CCNB3: variants seen among roughly 807,000 people sequenced by gnomAD.
CCNB3 encodes cyclin B3.
CCNB3 carries 12 observed loss-of-function variants against 68.0 expected under a neutral mutation model. The observed-to-expected ratio is 0.18, with a 90% CI of 0.11 to 0.29. The LOEUF (loss-of-function observed/expected upper bound fraction) is 0.29, where lower values mean the gene tolerates loss of function less well. Ranked by LOEUF, CCNB3 falls within the 10% of genes least tolerant of loss-of-function variation. The pLI is 1.00. For synonymous variants in CCNB3, 354 were observed against 388.9 expected (o/e 0.91, Z 1.06); for missense variants, 904 against 993.1 (o/e 0.91, Z 1.21).
rs1220407618 is a variant in CCNB3, at chrX:50,226,904, A to AAT, written c.-113+21960_-113+21961dup. 7.7e-4 allele frequency among the ~76,000 whole-genome samples: 42 copies of AAT among 54,298 alleles called. 2 individuals are homozygous for AAT. Among genetic ancestry groups the AAT allele is most frequent in the African/African-American group, 3.5e-3 (33 of 9,500 alleles). 47.2% of individuals were successfully genotyped at this position (54,298 alleles called of 115,157 possible). On this transcript the variant is annotated intron_variant, in intron 1 of 12. Transcript: ENST00000376042. Reference sequence around the variant, plus strand: ...TATAGAATATATAGTATATATATAGAATATATAGTATATATATAGAATATA... The same window carrying AAT: ...TATAGAATATATAGTATATATATAGAATATATATAGTATATATATAGAATATA...
At chrX:50,328,513 C>T (rs1557217609) in intron 8 of CCNB3, among the ~76,000 whole-genome samples, 1 of 111,523 alleles carries the variant, frequency 9.0e-6, no homozygotes. Flanking sequence ...AGCACCAAGC[C>T]ATGAGGGATC....
intron 1 of CCNB3, among the ~76,000 whole-genome samples, chrX:50,225,269 G>A (rs952787500): frequency 2.7e-5 from 3 of 110,643 alleles, no homozygotes; most frequent in Admixed American, 1.9e-4. Flanking sequence ...TCCAGGCTGC[G>A]GGAACATCTT....
rs782443150 is a variant in CCNB3, at chrX:50,332,274, T to A, written c.3517-9928T>A. On this transcript the variant is annotated intron_variant, in intron 8 of 12. Coordinates refer to ENST00000376042, the MANE Select transcript of CCNB3 (RefSeq NM_033031.3). Reference sequence around the variant, plus strand: ...TGTGGACATGGGAGGCTTAGAGGGGTCATAACACACATCTGGCTGGTTGTT... The same window carrying A: ...TGTGGACATGGGAGGCTTAGAGGGGACATAACACACATCTGGCTGGTTGTT... 1.9e-4 allele frequency among the ~76,000 whole-genome samples: 21 copies of A among 111,162 alleles called. No individual in the cohort carries two copies. In the South Asian group the frequency reaches 8.1e-3, roughly 43 times the overall value.
At chrX:50,216,280 T>A (rs1935571001) in intron 1 of CCNB3, among the ~76,000 whole-genome samples, 2 of 106,884 alleles carry the variant, frequency 1.9e-5, no homozygotes, top group African/African-American at 3.4e-5. Flanking sequence ...TGTGTGTGTG[T>A]GTGTGTGAGA....
chrX:50,226,541 AAT>A (rs1219685755), intron 1 of CCNB3, among the ~76,000 whole-genome samples: 8 of 38,055 alleles, frequency 2.1e-4, no homozygotes, highest in Admixed American at 7.8e-4. Flanking sequence ...AGAATATATG[AAT>A]ATATATATAG....
Position 50,288,784 on chromosome X carries a change from G to C in CCNB3, c.101G>C (p.Gly34Ala). The part of the protein sequence containing the change: ...PSHHDPSEKT[G>A]ENCQTKISPS... ...TTACCTCTTTTACTTTTTTAGACGG[G>C]GGAGAATTGCCAAACGAAGATATCT... The change falls in exon 4 of 13, where the codon GGG (glycine) becomes GCG (alanine). Residue 34 changes from glycine to alanine, a missense_variant. This residue lies in a region of CCNB3 where 619 missense variants were observed against 609.8 expected (regional missense o/e 1.02). Transcript: ENST00000376042. 8.4e-7 allele frequency: 1 copy of C among 1,196,304 alleles called. No individual in the cohort carries two copies. The highest frequency in any genetic ancestry group is 1.1e-6 in the Non-Finnish European group (1 of 882,376).
At chrX:50,208,949 A>G (rs1310019020) in intron 1 of CCNB3, among the ~76,000 whole-genome samples, 2 of 111,819 alleles carry the variant, frequency 1.8e-5, no homozygotes, top group Non-Finnish European at 3.8e-5. Flanking sequence ...TATATTTCCT[A>G]TTGGGTGTGT....
At chrX:50,308,172 G>A (rs1180067903) in intron 5 of CCNB3, among the ~76,000 whole-genome samples, 1 of 112,236 alleles carries the variant, frequency 8.9e-6, no homozygotes, top group Non-Finnish European at 1.9e-5. Flanking sequence ...AGCTAGTGAA[G>A]GAGACTGATG....
intron 5 of CCNB3, among the ~76,000 whole-genome samples, chrX:50,300,056 G>C (rs1017002845): frequency 4.5e-5 from 5 of 111,237 alleles, no homozygotes; most frequent in Admixed American, 9.6e-5. Context: ...TTCCTGAATA[G>C]AGCACACTGA....
At chrX:50,330,159 G>T (rs1922522028) in intron 8 of CCNB3, among the ~76,000 whole-genome samples, 1 of 111,735 alleles carries the variant, frequency 8.9e-6, no homozygotes, top group Non-Finnish European at 1.9e-5. Context: ...CTCTAAGGGG[G>T]TCTGCATGAG....
rs1485622693 is a variant in CCNB3 at position 50,284,322 on chromosome X, T to C, written c.-112-220T>C. 3.6e-5 allele frequency among the ~76,000 whole-genome samples: 4 copies of C among 111,400 alleles called. No homozygotes were observed. The East Asian group carries it at 1.1e-3, about 31-fold the overall frequency. ...TTTTCCCTAGAAACTATGTAAACGGTGTTTCACTGCCTTCTGTCATTTGGT... is the reference window on the plus strand; with the variant it reads ...TTTTCCCTAGAAACTATGTAAACGGCGTTTCACTGCCTTCTGTCATTTGGT... On this transcript the variant is annotated intron_variant, in intron 1 of 12. Transcript: ENST00000376042.
intron 5 of CCNB3, among the ~76,000 whole-genome samples, chrX:50,301,242 GT>G (rs1279954493): frequency 2.7e-5 from 3 of 111,296 alleles, no homozygotes; most frequent in Non-Finnish European, 5.7e-5. Context: ...TTTCTGCTCT[GT>G]TTTTTCCCCA....
At chrX:50,212,968 G>A (rs1472819119) in intron 1 of CCNB3, among the ~76,000 whole-genome samples, 2 of 111,709 alleles carry the variant, frequency 1.8e-5, no homozygotes, top group African/African-American at 6.5e-5. Context: ...AGGAAATCTT[G>A]TGTTCACCAT....
intron 9 of CCNB3, among the ~76,000 whole-genome samples, chrX:50,342,551 T>C (rs944022279): frequency 4.5e-5 from 5 of 110,439 alleles, no homozygotes; most frequent in African/African-American, 1.7e-4. Flanking sequence ...AACATTGTAA[T>C]GTTACAAAAG....
chrX:50,334,006 C>T (rs1557218440), intron 8 of CCNB3, among the ~76,000 whole-genome samples: 1 of 112,129 alleles, frequency 8.9e-6, no homozygotes, highest in African/African-American at 3.2e-5. Flanking sequence ...AAAGGCATAT[C>T]GAGAGTCAAT....
chrX:50,345,810 C>A (rs1306400484), intron 9 of CCNB3, among the ~76,000 whole-genome samples: 1 of 112,091 alleles, frequency 8.9e-6, no homozygotes. Flanking sequence ...ACTAGCTTGC[C>A]GTGTGAACCT....
At chrX:50,226,443 A>C (rs1480388602) in intron 1 of CCNB3, among the ~76,000 whole-genome samples, 1 of 71,860 alleles carries the variant, frequency 1.4e-5, no homozygotes, top group South Asian at 6.9e-4. Flanking sequence ...AAAAATATAT[A>C]TAGAATATAT....
intron 10 of CCNB3, 86 bp from the exon 11 acceptor site, chrX:50,347,540 C>G: frequency 2.1e-6 from 2 of 951,809 alleles, no homozygotes; most frequent in Non-Finnish European, 1.5e-6. Context: ...CACTGAGGCT[C>G]GGGATGATGT....
intron 8 of CCNB3, among the ~76,000 whole-genome samples, chrX:50,330,175 C>G (rs1336864086): frequency 1.8e-5 from 2 of 111,669 alleles, no homozygotes; most frequent in Non-Finnish European, 1.9e-5. Flanking sequence ...ATGAGAGGGT[C>G]GTGATCGATT....
Sources: allele counts gnomAD v4.1 joint callset (sites outside exome capture counted in the v4.1 genomes callset), GRCh38; gene constraint gnomAD v4.1.1; regional missense constraint gnomAD v4.1.1; transcripts MANE v1.5; gene names NCBI Gene and HGNC (gene_info 2026-07-23, HGNC 2026-07-21).